The following RPL27A variants were observed in gnomAD, a reference collection of about 807,000 sequenced individuals.
The protein encoded by RPL27A is large ribosomal subunit protein uL15.
For synonymous variants in RPL27A, 69 were observed against 68.3 expected, an observed-to-expected ratio of 1.01 and a Z score of -0.05; for missense variants, 118 against 189.4, an observed-to-expected ratio of 0.62 and a Z score of 2.21.
intron 1 of RPL27A, 115 bp downstream of exon 1, chr11:8,682,931 G>T: frequency 1.5e-6 from 2 of 1,370,278 alleles, no homozygotes; most frequent in Non-Finnish European, 2.0e-6. Flanking sequence ...GGCTGCGCAT[G>T]GCCGCCTGCG....
intron 4 of RPL27A, chr11:8,685,189 C>G: frequency 2.1e-6 from 1 of 474,200 alleles, no homozygotes. Flanking sequence ...ATACTCAGTG[C>G]CATGCATTAT....
rs1555082943 is a variant in RPL27A at position 8,687,389 on chromosome 11, T to TCACCC, written c.*1584_*1585insACCCC. ...CTTGGGCAACAAGAGTGAAACTCTG[T>TCACCC]CCACCCCCCCCAAAAAAAGTAAGGG... On this transcript the variant is annotated 3_prime_UTR_variant, in exon 5 of 5. Transcript: ENST00000314138. 9.9e-6 allele frequency: 1 copy of TCACCC among 100,804 alleles called. No individual in the cohort carries two copies. Among genetic ancestry groups the TCACCC allele is most frequent in the Non-Finnish European group, 2.2e-5 (1 of 45,800 alleles). 6.2% of individuals were successfully genotyped at this position (100,804 alleles called of 1,614,324 possible). A position where few individuals can be genotyped will look rare whatever the true frequency, so the allele number is the denominator to read the frequency against.
chr11:8,685,664 C>A lies in RPL27A; in HGVS notation c.319-14C>A. 1 of 1,613,948 alleles carries A rather than the reference C, an allele frequency of 6.2e-7. No homozygotes were observed. Among genetic ancestry groups the A allele is most frequent in the Non-Finnish European group, 8.5e-7 (1 of 1,179,902 alleles). On this transcript the variant is annotated splice_polypyrimidine_tract_variant and intron_variant, in intron 4 of 4. Transcript: ENST00000314138. ...ACTACAGTGTATTGTAAACTTTTTT[C>A]TCTGTTCTTCTAGGGCTACTACAAA...
In RPL27A at chr11:8,685,834, G is replaced by A. The variant is rs1251987480; in HGVS notation, c.*28G>A. On this transcript the variant is annotated 3_prime_UTR_variant, in exon 5 of 5. Coordinates refer to ENST00000314138, the MANE Select transcript of RPL27A (RefSeq NM_000990.5). ...CCACATGGAGGGAGTTTCATTAAAT[G>A]CTAACTACTTTTTCCTTGTGGTGTG... The A allele has an allele frequency of 2.5e-6, 4 of 1,610,844 alleles. No individual in the cohort carries two copies. Among genetic ancestry groups the A allele is most frequent in the Non-Finnish European group, 3.4e-6 (4 of 1,178,266 alleles).
rs529184768 is a variant in RPL27A at position 8,687,563 on chromosome 11, T to C, written c.*1757T>C. 1 of 152,364 alleles carries C rather than the reference T, an allele frequency of 6.6e-6. No homozygotes were observed. Among genetic ancestry groups the C allele is most frequent in the Admixed American group, 6.5e-5 (1 of 15,304 alleles). 9.4% of individuals were successfully genotyped at this position (152,364 alleles called of 1,614,324 possible). A position where few individuals can be genotyped will look rare whatever the true frequency, so the allele number is the denominator to read the frequency against. Reference sequence around the variant, plus strand: ...GTGACTTTTAGTCCTAATTTCCTCATCTTTAAAATTTCAGTGAAAGTGCCT... The same window carrying C: ...GTGACTTTTAGTCCTAATTTCCTCACCTTTAAAATTTCAGTGAAAGTGCCT... On this transcript the variant is annotated 3_prime_UTR_variant, in exon 5 of 5. Transcript: ENST00000314138.
At position 8,683,998 on chromosome 11, in the gene RPL27A, T is replaced by C. The variant is rs1400645383; in HGVS notation, c.68-8T>C. 6.2e-7 allele frequency: 1 copy of C among 1,610,386 alleles called. No individual in the cohort carries two copies. Among genetic ancestry groups the C allele is most frequent in the East Asian group, 2.2e-5 (1 of 44,890 alleles). ...ACACCGGCCCCACGTAGCTTTGTAT[T>C]CCTGCAGGCAAGCACCGGAAGCACC... On this transcript the variant is annotated splice_region_variant and splice_polypyrimidine_tract_variant and intron_variant, in intron 2 of 4. Transcript: ENST00000314138.
chr11:8,683,914 T>C, intron 2 of RPL27A, 92 bp from the exon 3 acceptor site: 1 of 980,252 alleles, frequency 1.0e-6, no homozygotes, highest in Non-Finnish European at 1.6e-6. Context: ...ACTCCTGACC[T>C]CAGGTGATCT....
Position 8,685,840 on chromosome 11 carries a change from T to A in RPL27A, c.*34T>A. The A allele has an allele frequency of 6.2e-7, 1 of 1,609,082 alleles. No homozygotes were observed. The highest frequency in any genetic ancestry group is 1.1e-5 in the South Asian group (1 of 90,984). On this transcript the variant is annotated 3_prime_UTR_variant, in exon 5 of 5. Transcript: ENST00000314138. ...GGAGGGAGTTTCATTAAATGCTAAC[T>A]ACTTTTTCCTTGTGGTGTGAGTGTA...
In RPL27A at chr11:8,685,494, CGAA is replaced by C. The variant is rs747067153; in HGVS notation, c.319-181_319-179del. The C allele has an allele frequency of 8.0e-6, 6 of 750,280 alleles. No homozygotes were observed. The South Asian group carries it at 8.1e-5, about 10-fold the overall frequency. The allele number at this position is 750,280 out of a possible 1,614,324, so 46.5% of individuals were successfully genotyped here. On this transcript the variant is annotated intron_variant, in intron 4 of 4. Transcript: ENST00000314138. ...TCTTGTCCTGGTGTGCTAGAGTACTCGAAGAGAATCTACTGGTCTTGATTCACT... is the reference window on the plus strand; with the variant it reads ...TCTTGTCCTGGTGTGCTAGAGTACTCGAGAATCTACTGGTCTTGATTCACT...
At position 8,683,928 on chromosome 11, in the gene RPL27A, C is replaced by A. The variant is rs754908317; in HGVS notation, c.68-78C>A. 19 of 1,138,648 alleles carry A rather than the reference C, an allele frequency of 1.7e-5. No homozygotes were observed. In the East Asian group the frequency reaches 4.2e-4, roughly 25 times the overall value. 70.5% of individuals were successfully genotyped at this position (1,138,648 alleles called of 1,614,324 possible). A position where few individuals can be genotyped will look rare whatever the true frequency, so the allele number is the denominator to read the frequency against. On this transcript the variant is annotated intron_variant, in intron 2 of 4. Coordinates refer to ENST00000314138, the MANE Select transcript of RPL27A (RefSeq NM_000990.5). Reference sequence around the variant, plus strand: ...AACTCCTGACCTCAGGTGATCTACCCCCCCTCGTCCTCCTAAAATGCTGGG... The same window carrying A: ...AACTCCTGACCTCAGGTGATCTACCACCCCTCGTCCTCCTAAAATGCTGGG...
chr11:8,683,942 T>C (rs1479140979), intron 2 of RPL27A, 64 bp from the exon 3 acceptor site: 1 of 1,383,558 alleles, frequency 7.2e-7, no homozygotes, highest in African/African-American at 1.4e-5. Flanking sequence ...CTCGTCCTCC[T>C]AAAATGCTGG....
chr11:8,688,701 C>T lies in RPL27A; in HGVS notation c.*2895C>T, dbSNP rs1305148318. 1.3e-5 allele frequency: 2 copies of T among 152,202 alleles called. No homozygotes were observed. The highest frequency in any genetic ancestry group is 3.8e-4 in the East Asian group (2 of 5,200). 9.4% of individuals were successfully genotyped at this position (152,202 alleles called of 1,614,324 possible). ...AACTTGATTTTATGACAAATGGCTG[C>T]CACATAATTTGCACAAGCAGTGCTC... On this transcript the variant is annotated 3_prime_UTR_variant, in exon 5 of 5. Transcript: ENST00000314138.
In RPL27A at chr11:8,688,178, A is replaced by G. The variant is rs1208093699; in HGVS notation, c.*2372A>G. On this transcript the variant is annotated 3_prime_UTR_variant, in exon 5 of 5. Coordinates refer to ENST00000314138, the MANE Select transcript of RPL27A (RefSeq NM_000990.5). ...ACCAAGAAAATGGGAGTGAGTATGG[A>G]AAAGGTACGATTCAGACGGCATAAT... The G allele has an allele frequency of 6.6e-6, 1 of 152,246 alleles. No individual in the cohort carries two copies. Among genetic ancestry groups the G allele is most frequent in the Non-Finnish European group, 1.5e-5 (1 of 68,070 alleles). The allele number at this position is 152,246 out of a possible 1,614,324, so 9.4% of individuals were successfully genotyped here.
intron 3 of RPL27A, 174 bp downstream of exon 3, chr11:8,684,255 G>C (rs147307129): frequency 2.6e-6 from 2 of 766,744 alleles, no homozygotes; most frequent in East Asian, 4.9e-5. Flanking sequence ...CTTGGGTATC[G>C]GCTATTGCCT....
intron 4 of RPL27A, 178 bp downstream of exon 4, chr11:8,685,070 A>G: frequency 1.5e-6 from 1 of 652,026 alleles, no homozygotes; most frequent in Non-Finnish European, 2.7e-6. Context: ...GTCACTGCCC[A>G]GGTTGTATCA....
chr11:8,687,526 C>A lies in RPL27A; in HGVS notation c.*1720C>A, dbSNP rs1347243842. The A allele has an allele frequency of 6.6e-6, 1 of 152,256 alleles. No individual in the cohort carries two copies. The highest frequency in any genetic ancestry group is 1.5e-5 in the Non-Finnish European group (1 of 68,048). The allele number at this position is 152,256 out of a possible 1,614,324, so 9.4% of individuals were successfully genotyped here. ...TAAAAGACTCAATATTTGGTCTTCA[C>A]CCAATACCTGTGTGACTTTTAGTCC... On this transcript the variant is annotated 3_prime_UTR_variant, in exon 5 of 5. Coordinates refer to ENST00000314138, the MANE Select transcript of RPL27A (RefSeq NM_000990.5).
rs1249661410 is a variant in RPL27A at position 8,687,343 on chromosome 11, G to C, written c.*1537G>C. On this transcript the variant is annotated 3_prime_UTR_variant, in exon 5 of 5. Coordinates refer to ENST00000314138, the MANE Select transcript of RPL27A (RefSeq NM_000990.5). ...GGAGGCGGAGGTTGCTGTGAGCCGA[G>C]ATCGTGCCATTGCACTCCAGCTTGG... is the stretch of plus-strand genomic sequence containing the variant. 1 of 150,042 alleles carries C rather than the reference G, an allele frequency of 6.7e-6. No homozygotes were observed. The highest frequency in any genetic ancestry group is 2.5e-5 in the African/African-American group (1 of 40,760). 9.3% of individuals were successfully genotyped at this position (150,042 alleles called of 1,614,324 possible).
At position 8,689,684 on chromosome 11, in the gene RPL27A, A is replaced by G. The variant is rs1195626949; in HGVS notation, c.*3878A>G. ...GAAACGTATTTTGTGTAGCTCCCCTAGCAAGAATATAGGTTAAAGCGTAAA... is the reference window on the plus strand; with the variant it reads ...GAAACGTATTTTGTGTAGCTCCCCTGGCAAGAATATAGGTTAAAGCGTAAA... On this transcript the variant is annotated 3_prime_UTR_variant, in exon 5 of 5. Transcript: ENST00000314138. 2 of 152,222 alleles carry G rather than the reference A, an allele frequency of 1.3e-5. No homozygotes were observed. The highest frequency in any genetic ancestry group is 1.5e-5 in the Non-Finnish European group (1 of 68,040). The allele number at this position is 152,222 out of a possible 1,614,324, so 9.4% of individuals were successfully genotyped here. A position where few individuals can be genotyped will look rare whatever the true frequency, so the allele number is the denominator to read the frequency against.
At chr11:8,684,385 G>A in intron 3 of RPL27A, 1 of 720,500 alleles carries the variant, frequency 1.4e-6, no homozygotes. Flanking sequence ...CAAACTAGTG[G>A]ATGATAAATT....
Sources: allele counts gnomAD v4.1 joint callset, GRCh38; gene constraint gnomAD v4.1.1; transcripts MANE v1.5; gene names NCBI Gene and HGNC (gene_info 2026-07-23, HGNC 2026-07-21).